Variants in CHIC2 observed in about 807,000 individuals in gnomAD.
The protein encoded by CHIC2 is cysteine rich hydrophobic domain 2.
Under a neutral mutation model 25.9 loss-of-function variants are expected in CHIC2, and 14 were observed. The observed-to-expected ratio is 0.54, with a 90% CI of 0.36 to 0.85. The LOEUF is 0.85. CHIC2 is among the 40% of genes least tolerant of loss of function. CHIC2 has a pLI of 0.01. For missense variants in CHIC2, 146 were observed against 202.0 expected (o/e 0.72, Z 1.68); for synonymous variants, 70 against 72.0 (o/e 0.97, Z 0.14).
intron 3 of CHIC2, among the ~76,000 whole-genome samples, chr4:54,038,469 A>G (rs1716460281): frequency 1.3e-5 from 2 of 152,218 alleles, no homozygotes; most frequent in Non-Finnish European, 2.9e-5. Flanking sequence ...TAACAAAAAA[A>G]ACGTCAAAGA....
At chr4:54,020,151 A>G (rs1678867619) in intron 3 of CHIC2, among the ~76,000 whole-genome samples, 1 of 152,202 alleles carries the variant, frequency 6.6e-6, no homozygotes, top group Non-Finnish European at 1.5e-5. Context: ...GATGGCCTGA[A>G]GCAACTGAAG....
chr4:54,047,712 A>G (rs1294553207), intron 3 of CHIC2, among the ~76,000 whole-genome samples: 2 of 151,448 alleles, frequency 1.3e-5, no homozygotes, highest in Non-Finnish European at 2.9e-5. Context: ...TGACGAGTTA[A>G]TGGGTGCAGC....
At chr4:54,082,354 G>T in the CHIC2 span, among the ~76,000 whole-genome samples, 1 of 152,194 alleles carries the variant, frequency 6.6e-6, no homozygotes, top group Non-Finnish European at 1.5e-5. Flanking sequence ...CCAGGACCAG[G>T]CCCTAAACAT....
At chr4:54,044,693 C>T (rs1462663437) in intron 3 of CHIC2, among the ~76,000 whole-genome samples, 1 of 152,026 alleles carries the variant, frequency 6.6e-6, no homozygotes, top group Non-Finnish European at 1.5e-5. Flanking sequence ...CAAGAGAAAG[C>T]AGGAAAGATC....
At chr4:54,088,456 A>G in the CHIC2 span, among the ~76,000 whole-genome samples, 6 of 152,232 alleles carry the variant, frequency 3.9e-5, no homozygotes, top group African/African-American at 1.2e-4. Flanking sequence ...AAAAAAGAAA[A>G]AAGACAGTAA....
intron 1 of CHIC2, among the ~76,000 whole-genome samples, chr4:54,061,646 T>C (rs1165481120): frequency 2.0e-5 from 3 of 152,174 alleles, no homozygotes; most frequent in Admixed American, 6.5e-5. Flanking sequence ...GTAATACATA[T>C]GCACCAATTC....
the CHIC2 span, among the ~76,000 whole-genome samples, chr4:54,089,107 C>G: frequency 3.3e-5 from 5 of 152,148 alleles, no homozygotes; most frequent in African/African-American, 1.2e-4. Context: ...AGACTGACCA[C>G]TAAGACCATT....
At chr4:54,044,530 C>A (rs1716706695) in intron 3 of CHIC2, among the ~76,000 whole-genome samples, 1 of 151,950 alleles carries the variant, frequency 6.6e-6, no homozygotes, top group African/African-American at 2.4e-5. Context: ...AACTGAACAA[C>A]CTGCTCCTGA....
intron 5 of CHIC2, among the ~76,000 whole-genome samples, chr4:54,010,595 T>G (rs1445347065): frequency 6.6e-6 from 1 of 152,140 alleles, no homozygotes; most frequent in Non-Finnish European, 1.5e-5. Flanking sequence ...ATTATAATCC[T>G]TATTTCACAG....
At chr4:54,080,164 A>ATATATGTGTATATATATGTG in the CHIC2 span, among the ~76,000 whole-genome samples, 1 of 148,192 alleles carries the variant, frequency 6.7e-6, no homozygotes, top group African/African-American at 2.5e-5. Flanking sequence ...ATGTATGTGT[A>ATATATGTGTATATATATGTG]TATATATATG....
At chr4:54,035,067 T>C (rs1299255786) in intron 3 of CHIC2, among the ~76,000 whole-genome samples, 1 of 152,234 alleles carries the variant, frequency 6.6e-6, no homozygotes, top group African/African-American at 2.4e-5. Flanking sequence ...CCAACCTTAC[T>C]TACCTTCCTG....
chr4:54,066,588 AAT>A (rs369490460), upstream of CHIC2, among the ~76,000 whole-genome samples: 38 of 151,638 alleles, frequency 2.5e-4, no homozygotes, highest in South Asian at 6.0e-3. Context: ...TTAATGGTCT[AAT>A]TGAGTATACT....
chr4:54,013,755 A>G (rs982590556), intron 5 of CHIC2, 82 bp downstream of exon 5: 11 of 1,404,596 alleles, frequency 7.8e-6, no homozygotes, highest in Non-Finnish European at 1.0e-6. Flanking sequence ...TTTGCTGATT[A>G]ATAATCATGG....
At position 54,064,382 on chromosome 4, in the gene CHIC2, C is replaced by G. The variant is rs1717441961; in HGVS notation, c.-82G>C. The G allele has an allele frequency of 6.4e-7, 1 of 1,570,520 alleles. No individual in the cohort carries two copies. Among genetic ancestry groups the G allele is most frequent in the Non-Finnish European group, 8.6e-7 (1 of 1,160,940 alleles). On this transcript the variant is annotated 5_prime_UTR_variant, in exon 1 of 6. Transcript: ENST00000263921. The surrounding 1 kb of genome is among the most constrained non-coding windows in gnomAD (Gnocchi z 4.2). ...GTACCGGCGGGCGAGGCGGCGGAGG[C>G]TGAGGGGAGTCGCCGCTGCCGCCGG...
chr4:54,024,639 G>C (rs28822216), intron 3 of CHIC2, among the ~76,000 whole-genome samples: 9,056 of 152,084 alleles, frequency 0.06, 903 homozygotes, highest in African/African-American at 0.2. Flanking sequence ...TTGTTTTTCT[G>C]TAAATCAATC....
the CHIC2 span, among the ~76,000 whole-genome samples, chr4:54,077,587 C>A: frequency 6.6e-6 from 1 of 152,166 alleles, no homozygotes; most frequent in East Asian, 1.9e-4. Context: ...ATCTAAGGAA[C>A]AGACAGGTTA....
chr4:54,061,462 T>C (rs1647660168), intron 1 of CHIC2, among the ~76,000 whole-genome samples: 1 of 152,092 alleles, frequency 6.6e-6, no homozygotes, highest in South Asian at 2.1e-4. Context: ...ATGATTCAGT[T>C]TACATGGTCA....
In CHIC2 at chr4:54,064,572, T is replaced by A. The variant is rs1055272195; in HGVS notation, c.-272A>T. ...ACACCTCCACAAGCACAGACGCCGCTGCCGCCGCCGCAGCAGCAGCAACTC... is the reference window on the plus strand; with the variant it reads ...ACACCTCCACAAGCACAGACGCCGCAGCCGCCGCCGCAGCAGCAGCAACTC... On this transcript the variant is annotated 5_prime_UTR_variant, in exon 1 of 6. Coordinates refer to ENST00000263921, the MANE Select transcript of CHIC2 (RefSeq NM_012110.4). The surrounding 1 kb of genome is among the most constrained non-coding windows in gnomAD (Gnocchi z 4.2). 7.9e-7 allele frequency: 1 copy of A among 1,262,260 alleles called. No homozygotes were observed. Among genetic ancestry groups the A allele is most frequent in the Non-Finnish European group, 1.0e-6 (1 of 1,003,174 alleles). The allele number at this position is 1,262,260 out of a possible 1,614,324, so 78.2% of individuals were successfully genotyped here.
chr4:54,080,970 AT>A, the CHIC2 span, among the ~76,000 whole-genome samples: 21 of 139,240 alleles, frequency 1.5e-4, no homozygotes, highest in African/African-American at 5.6e-4. Flanking sequence ...ATATATATAT[AT>A]ATATATATAT....
Sources: allele counts gnomAD v4.1 joint callset (sites outside exome capture counted in the v4.1 genomes callset), GRCh38; gene constraint gnomAD v4.1.1; non-coding constraint Gnocchi (gnomAD v3.1); transcripts MANE v1.5; gene names NCBI Gene and HGNC (gene_info 2026-07-23, HGNC 2026-07-21).